Variants in CDK8 observed in about 807,000 individuals in gnomAD.
CDK8 encodes the protein cyclin-dependent kinase 8.
CDK8 carries 29 observed loss-of-function variants against 71.5 expected under a neutral mutation model. That is an observed-to-expected ratio of 0.41 (90% CI 0.30 to 0.55). The LOEUF is 0.55. Ranked by LOEUF, CDK8 falls within the 20% of genes least tolerant of loss-of-function variation. CDK8 has a pLI of 0.37. For missense variants in CDK8, 288 were observed against 572.6 expected, an observed-to-expected ratio of 0.50 and a Z score of 5.07; for synonymous variants, 161 against 192.1, an observed-to-expected ratio of 0.84 and a Z score of 1.34.
At chr13:26,397,303 A>G (rs993935694) in intron 9 of CDK8, 78 bp downstream of exon 9, 7 of 842,594 alleles carry the variant, frequency 8.3e-6, no homozygotes, top group Non-Finnish European at 1.4e-5. Flanking sequence ...TTTTGGATCA[A>G]TTTATGTGGT....
At chr13:26,352,273 T>C (rs1310674748) in intron 3 of CDK8, among the ~76,000 whole-genome samples, 1 of 152,160 alleles carries the variant, frequency 6.6e-6, no homozygotes, top group Non-Finnish European at 1.5e-5. Context: ...TGGAGAGCGG[T>C]GGCAGGATCT....
chr13:26,389,940 G>A (rs977352341), intron 6 of CDK8, among the ~76,000 whole-genome samples: 20 of 152,168 alleles, frequency 1.3e-4, no homozygotes, highest in African/African-American at 4.8e-4. Flanking sequence ...GGAGGTTGCA[G>A]TGAGCAGAGA....
intron 1 of CDK8, among the ~76,000 whole-genome samples, chr13:26,279,660 A>G (rs1259852898): frequency 1.3e-5 from 2 of 152,214 alleles, no homozygotes; most frequent in African/African-American, 2.4e-5. Flanking sequence ...AGACTTACCA[A>G]CCAAATTCAG....
intron 1 of CDK8, among the ~76,000 whole-genome samples, chr13:26,290,024 A>C (rs890046410): frequency 6.6e-6 from 1 of 152,262 alleles, no homozygotes; most frequent in Admixed American, 6.5e-5. Flanking sequence ...TTGATGTAAA[A>C]ATAACATTAT....
At chr13:26,285,942 A>G (rs1356364091) in intron 1 of CDK8, among the ~76,000 whole-genome samples, 1 of 152,212 alleles carries the variant, frequency 6.6e-6, no homozygotes, top group Non-Finnish European at 1.5e-5. Flanking sequence ...ACTTACGAAT[A>G]TACCTAATCA....
At chr13:26,395,062 ATAGT>A (rs1160506948) in intron 7 of CDK8, among the ~76,000 whole-genome samples, 14 of 152,220 alleles carry the variant, frequency 9.2e-5, no homozygotes, top group Admixed American at 7.9e-4. Context: ...AGCAAGGAAA[ATAGT>A]TAAGGAGAAA....
chr13:26,301,183 G>A (rs921491734), intron 1 of CDK8, among the ~76,000 whole-genome samples: 1 of 146,808 alleles, frequency 6.8e-6, no homozygotes, highest in African/African-American at 2.5e-5. Flanking sequence ...ATGGGGTTCA[G>A]CTTCAATAAA....
At chr13:26,322,604 GACT>G (rs1874825375) in intron 1 of CDK8, among the ~76,000 whole-genome samples, 2 of 152,132 alleles carry the variant, frequency 1.3e-5, no homozygotes, top group African/African-American at 2.4e-5. Flanking sequence ...CTGTATCTGG[GACT>G]ACTATTAGGC....
chr13:26,396,118 T>C (rs946955487), intron 7 of CDK8, 167 bp from the exon 8 acceptor site: 23 of 354,144 alleles, frequency 6.5e-5, no homozygotes, highest in African/African-American at 4.4e-4. Flanking sequence ...TAAGGAATTA[T>C]GTTTACACTT....
intron 4 of CDK8, among the ~76,000 whole-genome samples, chr13:26,360,556 CCA>C (rs1488886128): frequency 6.6e-6 from 1 of 152,064 alleles, no homozygotes; most frequent in East Asian, 1.9e-4. Flanking sequence ...TTTGAACCAC[CCA>C]TGGGCCACTT....
intron 8 of CDK8, among the ~76,000 whole-genome samples, chr13:26,396,899 A>G (rs1037777467): frequency 2.6e-5 from 4 of 151,930 alleles, no homozygotes; most frequent in African/African-American, 9.7e-5. Context: ...ATTCATGTGA[A>G]AAAAAAAGCT....
chr13:26,330,258 T>G (rs1875248359), intron 1 of CDK8, among the ~76,000 whole-genome samples: 1 of 152,128 alleles, frequency 6.6e-6, no homozygotes, highest in African/African-American at 2.4e-5. Flanking sequence ...TAGGCTGGAG[T>G]GCAGTGGCAC....
intron 4 of CDK8, among the ~76,000 whole-genome samples, chr13:26,357,908 T>C (rs1873962391): frequency 6.6e-6 from 1 of 152,232 alleles, no homozygotes; most frequent in African/African-American, 2.4e-5. Context: ...TCCACTGATT[T>C]AAATGTTAAT....
At chr13:26,302,194 C>A (rs1873852847) in intron 1 of CDK8, among the ~76,000 whole-genome samples, 1 of 152,180 alleles carries the variant, frequency 6.6e-6, no homozygotes, top group Admixed American at 6.5e-5. Context: ...TAGAATTCTG[C>A]AATGGATGCC....
intron 1 of CDK8, among the ~76,000 whole-genome samples, chr13:26,271,913 G>A (rs1053550063): frequency 2.1e-5 from 3 of 140,592 alleles, no homozygotes; most frequent in Non-Finnish European, 4.5e-5. Context: ...AGGTCTAGAA[G>A]TTGCTCTGGG....
chr13:26,329,483 G>GTTTTTTTTTTTTTTTTTTTTTTTTTTT lies in CDK8; in HGVS notation c.129-8074_129-8073insTTTTTTTTTTTTTTTTTTTTTTTTTTT, dbSNP rs543441898. ...TGCCTATTTCTGTTTTTTTTTTTTT[G>GTTTTTTTTTTTTTTTTTTTTTTTTTTT]TTTTTTTTTTGTTTGTTTTGTTTTG... On this transcript the variant is annotated intron_variant, in intron 1 of 12. Transcript: ENST00000381527. Among the ~76,000 whole-genome samples, 3 of 128,490 alleles carry GTTTTTTTTTTTTTTTTTTTTTTTTTTT rather than the reference G, an allele frequency of 2.3e-5. No individual in the cohort carries two copies. The East Asian group carries it at 6.6e-4, about 28-fold the overall frequency. 84.3% of individuals were successfully genotyped at this position (128,490 alleles called of 152,430 possible).
intron 1 of CDK8, among the ~76,000 whole-genome samples, chr13:26,290,814 C>T (rs1336377913): frequency 6.6e-6 from 1 of 151,830 alleles, no homozygotes; most frequent in East Asian, 1.9e-4. Flanking sequence ...AACAAACAAA[C>T]AAACAAAAAA....
At chr13:26,322,616 G>A (rs371232355) in intron 1 of CDK8, among the ~76,000 whole-genome samples, 1 of 152,114 alleles carries the variant, frequency 6.6e-6, no homozygotes, top group African/African-American at 2.4e-5. Flanking sequence ...CTACTATTAG[G>A]CAGCCAAGGT....
chr13:26,277,367 T>A (rs1406567670), intron 1 of CDK8, among the ~76,000 whole-genome samples: 1 of 152,230 alleles, frequency 6.6e-6, no homozygotes. Context: ...TTCACTGTTA[T>A]TGCCCTGGCT....
Sources: allele counts gnomAD v4.1 joint callset (sites outside exome capture counted in the v4.1 genomes callset), GRCh38; gene constraint gnomAD v4.1.1; transcripts MANE v1.5; gene names NCBI Gene and HGNC (gene_info 2026-07-23, HGNC 2026-07-21).